The following FIG4 variants were observed in gnomAD, a reference collection of about 807,000 sequenced individuals.
FIG4 encodes the protein FIG4 phosphoinositide 5-phosphatase, also known as polyphosphoinositide phosphatase.
Under a neutral mutation model 118.6 loss-of-function variants are expected in FIG4, and 112 were observed. The ratio of observed to expected loss-of-function variants is 0.94; its 90% CI spans 0.81 to 1.11. The LOEUF is 1.11. FIG4 is among the 50% of genes least tolerant of loss of function. FIG4 has a pLI of 0.00. For missense variants in FIG4, 969 were observed against 1,111.7 expected (o/e 0.87, Z 1.83); for synonymous variants, 369 against 381.2 (o/e 0.97, Z 0.37).
chr6:109,704,808 A>G (rs1296721883), intron 1 of FIG4, among the ~76,000 whole-genome samples: 1 of 152,170 alleles, frequency 6.6e-6, no homozygotes, highest in Non-Finnish European at 1.5e-5. Flanking sequence ...TAGGTAGTAC[A>G]TGATCCTTGA....
chr6:109,814,007 G>A lies in FIG4; in HGVS notation c.2547-11081G>A, dbSNP rs546581463. ...TAAACTAAGCCCCTCTCAGATCCCTGACCTCCAGAAACTGTGACATAATAA... is the reference window on the plus strand; with the variant it reads ...TAAACTAAGCCCCTCTCAGATCCCTAACCTCCAGAAACTGTGACATAATAA... On this transcript the variant is annotated intron_variant, in intron 22 of 22. Coordinates refer to ENST00000230124, the MANE Select transcript of FIG4 (RefSeq NM_014845.6). Among the ~76,000 whole-genome samples the A allele has an allele frequency of 2.0e-5, 3 of 152,208 alleles. No homozygotes were observed. The South Asian group carries it at 6.2e-4, about 32-fold the overall frequency.
chr6:109,701,777 A>T (rs1400971399), intron 1 of FIG4: 1 of 471,198 alleles, frequency 2.1e-6, no homozygotes, highest in African/African-American at 2.0e-5. Flanking sequence ...AGTGAATGGG[A>T]GAGAGCAATA....
chr6:109,818,885 A>G (rs1234146785), intron 22 of FIG4, among the ~76,000 whole-genome samples: 1 of 152,214 alleles, frequency 6.6e-6, no homozygotes, highest in East Asian at 1.9e-4. Flanking sequence ...CTGAATTGCA[A>G]GGGATCCTGG....
rs535979628 is a variant in FIG4, at chr6:109,803,446, G to T, written c.2546+6595G>T. 2.6e-5 allele frequency among the ~76,000 whole-genome samples: 4 copies of T among 152,294 alleles called. No individual in the cohort carries two copies. In the South Asian group the frequency reaches 8.3e-4, roughly 32 times the overall value. On this transcript the variant is annotated intron_variant, in intron 22 of 22. Coordinates refer to ENST00000230124, the MANE Select transcript of FIG4 (RefSeq NM_014845.6). ...ACCAGCTATAGTGGCAAGTTGCCAG[G>T]ATAGCAAATATACAACAAGGGCAAG...
chr6:109,813,287 A>G (rs748368316), intron 22 of FIG4, among the ~76,000 whole-genome samples: 5 of 152,174 alleles, frequency 3.3e-5, no homozygotes, highest in Non-Finnish European at 7.3e-5. Flanking sequence ...GTATTTTTAT[A>G]CATAAGAATA....
chr6:109,706,489 A>G (rs1322612343), intron 1 of FIG4, among the ~76,000 whole-genome samples: 5 of 152,194 alleles, frequency 3.3e-5, no homozygotes, highest in African/African-American at 7.2e-5. Context: ...TCCCGAGGAC[A>G]TAGACTGACT....
intron 22 of FIG4, among the ~76,000 whole-genome samples, chr6:109,823,605 C>T (rs78266780): frequency 0.012 from 1,850 of 152,094 alleles, 45 homozygotes; most frequent in East Asian, 0.11. Flanking sequence ...TGTATGTCAC[C>T]GTACTATCTA....
At chr6:109,726,999 A>T in intron 3 of FIG4, 110 bp from the exon 4 acceptor site, 1 of 864,796 alleles carries the variant, frequency 1.2e-6, no homozygotes, top group Non-Finnish European at 1.9e-6. Flanking sequence ...TATAAATCAT[A>T]GAAATAATAA....
chr6:109,772,234 T>C (rs904045518), intron 15 of FIG4, among the ~76,000 whole-genome samples: 1 of 152,204 alleles, frequency 6.6e-6, no homozygotes, highest in East Asian at 1.9e-4. Flanking sequence ...GATATTGAGA[T>C]CTCTGTCAAT....
At chr6:109,724,803 TTGTGTGTGTGTGTG>T (rs60968865) in intron 3 of FIG4, among the ~76,000 whole-genome samples, 8 of 146,646 alleles carry the variant, frequency 5.5e-5, no homozygotes, top group African/African-American at 1.5e-4. Flanking sequence ...TTATAATCCT[TTGTGTGTGTGTGTG>T]TGTGTGTGTG....
At chr6:109,787,354 GTTTCCTAGA>G (rs1778001803) in intron 18 of FIG4, among the ~76,000 whole-genome samples, 1 of 152,052 alleles carries the variant, frequency 6.6e-6, no homozygotes, top group Non-Finnish European at 1.5e-5. Context: ...CTGTGGTTTT[GTTTCCTAGA>G]AATCACTCTA....
intron 16 of FIG4, 128 bp from the exon 17 acceptor site, chr6:109,784,842 A>G: frequency 1.9e-6 from 1 of 525,452 alleles, no homozygotes; most frequent in Non-Finnish European, 3.4e-6. Context: ...ACATGTTTTA[A>G]AAAGAAAAAT....
At chr6:109,696,741 T>C (rs1169355589) in intron 1 of FIG4, among the ~76,000 whole-genome samples, 1 of 151,674 alleles carries the variant, frequency 6.6e-6, no homozygotes, top group Non-Finnish European at 1.5e-5. Flanking sequence ...GTAGGAAGGG[T>C]AGGAAAGAGG....
chr6:109,711,376 G>A (rs986566327), intron 1 of FIG4, among the ~76,000 whole-genome samples: 5 of 152,098 alleles, frequency 3.3e-5, no homozygotes, highest in African/African-American at 1.2e-4. Context: ...TCCAGGCTGG[G>A]CGACAGAGCA....
intron 10 of FIG4, among the ~76,000 whole-genome samples, chr6:109,753,221 A>C (rs1776767788): frequency 6.6e-6 from 1 of 152,096 alleles, no homozygotes; most frequent in African/African-American, 2.4e-5. Context: ...AGATCAGACG[A>C]GATCGGGCGT....
intron 6 of FIG4, among the ~76,000 whole-genome samples, chr6:109,736,047 A>G (rs936976244): frequency 3.3e-5 from 5 of 152,072 alleles, no homozygotes; most frequent in Admixed American, 6.6e-5. Flanking sequence ...CTGTAAAGCT[A>G]GAGGCATTGC....
intron 21 of FIG4, among the ~76,000 whole-genome samples, chr6:109,796,180 G>A (rs142034621): frequency 5.7e-4 from 87 of 152,350 alleles, no homozygotes; most frequent in African/African-American, 2.0e-3. Flanking sequence ...GTGCTCATCA[G>A]TGGGTCTCCC....
At chr6:109,719,791 G>T (rs1475792921) in intron 3 of FIG4, among the ~76,000 whole-genome samples, 1 of 150,774 alleles carries the variant, frequency 6.6e-6, no homozygotes, top group African/African-American at 2.4e-5. Flanking sequence ...GGACTCTTTT[G>T]TTTTTTTTTA....
chr6:109,701,018 A>T (rs1487020726), intron 1 of FIG4, among the ~76,000 whole-genome samples: 2 of 152,220 alleles, frequency 1.3e-5, no homozygotes, highest in East Asian at 3.9e-4. Context: ...GAGCCAGTGG[A>T]CAAGATGGGC....
Sources: allele counts gnomAD v4.1 joint callset (sites outside exome capture counted in the v4.1 genomes callset), GRCh38; gene constraint gnomAD v4.1.1; transcripts MANE v1.5; gene names NCBI Gene and HGNC (gene_info 2026-07-23, HGNC 2026-07-21).